The following CCSER1 variants were observed in gnomAD, a reference collection of about 807,000 sequenced individuals.
The protein encoded by CCSER1 is serine-rich coiled-coil domain-containing protein 1.
A neutral mutation model predicts 82.0 loss-of-function variants in CCSER1; 41 were observed. The observed-to-expected ratio is 0.50, with a 90% confidence interval of 0.39 to 0.65. The LOEUF (loss-of-function observed/expected upper bound fraction) is 0.65, where lower values mean the gene tolerates loss of function less well. CCSER1 is among the 30% of genes least tolerant of loss of function. The pLI is 0.00. For synonymous variants in CCSER1, 414 were observed against 383.9 expected, an observed-to-expected ratio of 1.08 and a Z score of -0.92; for missense variants, 1,119 against 1,064.2, an observed-to-expected ratio of 1.05 and a Z score of -0.72.
In CCSER1 at chr4:90,457,288, C is replaced by A. The variant is rs139879644; in HGVS notation, c.1604-10946C>A. ...GCCCTGGCTCAGGGAACTCTTAGAG[C>A]TGAACTCCCCAAAGAGCCTCAACTT... On this transcript the variant is annotated intron_variant, in intron 4 of 10. Transcript: ENST00000509176. Among the ~76,000 whole-genome samples, 803 of 152,308 alleles carry A rather than the reference C, an allele frequency of 5.3e-3. 2 individuals are homozygous for A. The highest frequency in any genetic ancestry group is 7.2e-3 in the Non-Finnish European group (489 of 68,032).
intron 10 of CCSER1, among the ~76,000 whole-genome samples, chr4:91,561,962 C>T (rs897619784): frequency 2.0e-5 from 3 of 151,400 alleles, no homozygotes; most frequent in Admixed American, 6.6e-5. Context: ...TATAGCTCTA[C>T]ATCTTATTTT....
chr4:90,730,944 A>G (rs188759607), intron 7 of CCSER1, among the ~76,000 whole-genome samples: 15 of 152,302 alleles, frequency 9.8e-5, no homozygotes, highest in Admixed American at 3.3e-4. Context: ...TATTTCACAT[A>G]TGATGAAAAG....
intron 10 of CCSER1, among the ~76,000 whole-genome samples, chr4:91,213,065 T>C (rs1300442089): frequency 1.3e-5 from 2 of 152,180 alleles, no homozygotes; most frequent in African/African-American, 2.4e-5. Context: ...GCAAATGACA[T>C]GATTTCATTC....
intron 9 of CCSER1, among the ~76,000 whole-genome samples, chr4:90,939,963 C>A (rs1386940943): frequency 6.6e-6 from 1 of 151,828 alleles, no homozygotes; most frequent in Non-Finnish European, 1.5e-5. Context: ...ATACTTAAAA[C>A]CTTTAAATGT....
At chr4:90,610,146 G>A (rs1484795512) in intron 5 of CCSER1, among the ~76,000 whole-genome samples, 4 of 151,910 alleles carry the variant, frequency 2.6e-5, no homozygotes, top group African/African-American at 4.8e-5. Context: ...CCAGCTACTC[G>A]GGAGGCTGAG....
At chr4:91,010,434 G>C (rs1417867275) in intron 9 of CCSER1, among the ~76,000 whole-genome samples, 1 of 82,478 alleles carries the variant, frequency 1.2e-5, no homozygotes, top group African/African-American at 2.9e-5. Flanking sequence ...TGTGTTTCAT[G>C]TATCTGGAAA....
At chr4:90,639,002 G>A (rs988518410) in intron 6 of CCSER1, among the ~76,000 whole-genome samples, 2 of 151,890 alleles carry the variant, frequency 1.3e-5, no homozygotes, top group African/African-American at 2.4e-5. Context: ...GGATTATTTG[G>A]ACAATTAAGC....
intron 9 of CCSER1, among the ~76,000 whole-genome samples, chr4:90,992,727 C>G (rs1005659746): frequency 6.6e-6 from 1 of 151,944 alleles, no homozygotes; most frequent in Non-Finnish European, 1.5e-5. Flanking sequence ...GGAGGCCACC[C>G]TCAGCTCCCA....
chr4:90,886,527 A>T (rs1175633160), intron 8 of CCSER1, among the ~76,000 whole-genome samples: 1 of 152,214 alleles, frequency 6.6e-6, no homozygotes, highest in East Asian at 1.9e-4. Context: ...GTATATGTTA[A>T]CTTGTAAGAA....
intron 7 of CCSER1, among the ~76,000 whole-genome samples, chr4:90,751,157 T>C (rs1452912086): frequency 6.6e-6 from 1 of 152,088 alleles, no homozygotes; most frequent in Non-Finnish European, 1.5e-5. Flanking sequence ...ACTACACATA[T>C]AAAAAAGTAA....
At chr4:90,908,311 G>A (rs903406305) in intron 8 of CCSER1, among the ~76,000 whole-genome samples, 35 of 152,260 alleles carry the variant, frequency 2.3e-4, no homozygotes, top group African/African-American at 7.7e-4. Flanking sequence ...TCCTCAAGTG[G>A]TGAAGATCTT....
chr4:90,636,401 A>T (rs1560856423), intron 6 of CCSER1, among the ~76,000 whole-genome samples: 1 of 151,470 alleles, frequency 6.6e-6, no homozygotes, highest in Admixed American at 6.6e-5. Context: ...TATGCCTATT[A>T]AAAAAAATTG....
intron 10 of CCSER1, among the ~76,000 whole-genome samples, chr4:91,152,162 A>G (rs1304587834): frequency 2.6e-5 from 4 of 152,134 alleles, no homozygotes; most frequent in Non-Finnish European, 5.9e-5. Flanking sequence ...GTGCTCCTGT[A>G]TTAGGTTCAT....
At chr4:90,811,344 T>A (rs17017628) in intron 7 of CCSER1, among the ~76,000 whole-genome samples, 50,801 of 151,960 alleles carry the variant, frequency 0.33, 8,638 homozygotes, top group East Asian at 0.42. Flanking sequence ...CAAGTAACAG[T>A]TAATGAAGGG....
chr4:90,541,344 T>C (rs949635359), intron 5 of CCSER1, among the ~76,000 whole-genome samples: 2 of 152,078 alleles, frequency 1.3e-5, no homozygotes, highest in Admixed American at 1.3e-4. Flanking sequence ...ACAGTGTTGA[T>C]AAGTTAAATT....
intron 7 of CCSER1, chr4:90,781,324 A>G (rs1020518723): frequency 2.0e-6 from 2 of 985,198 alleles, no homozygotes; most frequent in Admixed American, 6.1e-5. Context: ...ATAGTGATTC[A>G]TCAAATATGA....
At chr4:90,204,780 G>C (rs910648374) in intron 1 of CCSER1, among the ~76,000 whole-genome samples, 1 of 152,118 alleles carries the variant, frequency 6.6e-6, no homozygotes, top group African/African-American at 2.4e-5. Flanking sequence ...AAATTACTTT[G>C]AGCAGTATGG....
chr4:90,256,433 C>T (rs1191390725), intron 1 of CCSER1, among the ~76,000 whole-genome samples: 2 of 152,118 alleles, frequency 1.3e-5, no homozygotes, highest in Admixed American at 6.6e-5. Flanking sequence ...ATCGGAGAAA[C>T]TAACTGTGCT....
At chr4:90,571,373 G>A (rs1381423854) in intron 5 of CCSER1, among the ~76,000 whole-genome samples, 3 of 152,176 alleles carry the variant, frequency 2.0e-5, no homozygotes, top group Non-Finnish European at 4.4e-5. Context: ...ATGTGGCACA[G>A]ATACACCATG....
Sources: gnomAD v4.1 joint callset for allele counts (sites outside exome capture counted in the v4.1 genomes callset) on GRCh38, gnomAD v4.1.1 for gene constraint, MANE v1.5 for transcripts, NCBI Gene and HGNC (gene_info 2026-07-23, HGNC 2026-07-21) for gene names.